Variants in CFAP210 observed in about 807,000 individuals in gnomAD.
The protein encoded by CFAP210 is cilia and flagella associated protein 210.
At chr2:169,692,791 T>C in the CFAP210 span, among the ~76,000 whole-genome samples, 5 of 152,218 alleles carry the variant, frequency 3.3e-5, no homozygotes, top group African/African-American at 1.2e-4. Context: ...TGTCGAATAA[T>C]AACAGTTGTC....
the CFAP210 span, among the ~76,000 whole-genome samples, chr2:169,653,558 A>G: frequency 6.6e-6 from 1 of 151,598 alleles, no homozygotes; most frequent in African/African-American, 2.4e-5. Context: ...TCACTAATAT[A>G]AGCAATGTCC....
chr2:169,647,958 C>A, the CFAP210 span, among the ~76,000 whole-genome samples: 2 of 151,914 alleles, frequency 1.3e-5, no homozygotes, highest in South Asian at 2.1e-4. Context: ...GAGTTCGAGA[C>A]CAGCCTGGAC....
chr2:169,648,731 A>G, the CFAP210 span, among the ~76,000 whole-genome samples: 5 of 152,226 alleles, frequency 3.3e-5, no homozygotes, highest in Non-Finnish European at 7.3e-5. Flanking sequence ...CATTGCTGGT[A>G]GGAATGGAAA....
At chr2:169,674,508 T>C in the CFAP210 span, 1 of 1,312,996 alleles carries the variant, frequency 7.6e-7, no homozygotes, top group Non-Finnish European at 1.0e-6. Context: ...ACTTTTATAA[T>C]TAGAAAAAAG....
chr2:169,646,153 T>C, the CFAP210 span: 1 of 1,612,788 alleles, frequency 6.2e-7, no homozygotes. Context: ...CTGCTTGTTT[T>C]GCTTGCTTTG....
At chr2:169,678,918 A>C in the CFAP210 span, among the ~76,000 whole-genome samples, 1 of 152,196 alleles carries the variant, frequency 6.6e-6, no homozygotes, top group Admixed American at 6.5e-5. Flanking sequence ...TGAAAAAGAA[A>C]TGATTTCAAG....
At chr2:169,681,011 T>C in the CFAP210 span, 39 of 1,613,264 alleles carry the variant, frequency 2.4e-5, no homozygotes, top group Non-Finnish European at 3.3e-5. Flanking sequence ...ACTTACTGCA[T>C]ATGTATTAGT....
chr2:169,656,367 A>AGG, the CFAP210 span, among the ~76,000 whole-genome samples: 1 of 109,536 alleles, frequency 9.1e-6, no homozygotes, highest in Non-Finnish European at 2.0e-5. Flanking sequence ...AAAAAGGAAG[A>AGG]AGAAAGAGGA....
the CFAP210 span, chr2:169,649,120 A>G: frequency 7.1e-7 from 1 of 1,398,762 alleles, no homozygotes; most frequent in East Asian, 2.5e-5. Flanking sequence ...GTAGAAAACT[A>G]GCATGAATTC....
the CFAP210 span, chr2:169,662,505 T>A: frequency 7.5e-7 from 1 of 1,333,166 alleles, no homozygotes; most frequent in Non-Finnish European, 1.0e-6. Flanking sequence ...AGAAATGAAT[T>A]CAATTCCAAC....
the CFAP210 span, among the ~76,000 whole-genome samples, chr2:169,667,074 A>G: frequency 1.3e-5 from 2 of 151,756 alleles, no homozygotes; most frequent in Non-Finnish European, 2.9e-5. Flanking sequence ...TTTGGAATCA[A>G]CTTCTTCCAA....
the CFAP210 span, among the ~76,000 whole-genome samples, chr2:169,676,951 C>G: frequency 6.6e-6 from 1 of 152,160 alleles, no homozygotes; most frequent in Non-Finnish European, 1.5e-5. Context: ...CAGCATTTCT[C>G]CCCAGGCGAG....
At chr2:169,679,186 GT>G in the CFAP210 span, among the ~76,000 whole-genome samples, 3 of 152,110 alleles carry the variant, frequency 2.0e-5, no homozygotes, top group East Asian at 5.8e-4. Flanking sequence ...ATTTAAAATG[GT>G]TCATAGACCT....
chr2:169,680,114 C>T, the CFAP210 span, among the ~76,000 whole-genome samples: 1 of 152,006 alleles, frequency 6.6e-6, no homozygotes, highest in Non-Finnish European at 1.5e-5. Flanking sequence ...ATGGATACAT[C>T]AACAAAGAAG....
the CFAP210 span, among the ~76,000 whole-genome samples, chr2:169,684,675 G>A: frequency 6.7e-6 from 1 of 149,926 alleles, no homozygotes; most frequent in Non-Finnish European, 1.5e-5. Context: ...TTGTTGTTGA[G>A]ATGAGTCTGT....
chr2:169,675,150 A>G, the CFAP210 span: 1 of 814,402 alleles, frequency 1.2e-6, no homozygotes, highest in Admixed American at 4.1e-5. Context: ...TGTATTTGTA[A>G]TATTTTATTA....
the CFAP210 span, among the ~76,000 whole-genome samples, chr2:169,689,111 GA>G: frequency 6.6e-6 from 1 of 151,858 alleles, no homozygotes; most frequent in Non-Finnish European, 1.5e-5. Context: ...TCATAAGACT[GA>G]ATTACTATCA....
the CFAP210 span, among the ~76,000 whole-genome samples, chr2:169,647,423 G>T: frequency 6.6e-6 from 1 of 152,016 alleles, no homozygotes; most frequent in South Asian, 2.1e-4. Flanking sequence ...TAAAGAAAAA[G>T]TTCCAAAAAA....
the CFAP210 span, among the ~76,000 whole-genome samples, chr2:169,666,785 GC>G: frequency 6.6e-6 from 1 of 152,114 alleles, no homozygotes; most frequent in Admixed American, 6.6e-5. Context: ...ACCTGCTGCT[GC>G]TTTATCAACT....
Sources: gnomAD v4.1 joint callset for allele counts (sites outside exome capture counted in the v4.1 genomes callset) on GRCh38, gnomAD v4.1.1 for gene constraint, MANE v1.5 for transcripts, NCBI Gene and HGNC (gene_info 2026-07-23, HGNC 2026-07-21) for gene names.